Variants in NEIL3 observed in about 807,000 individuals in gnomAD.
NEIL3 encodes endonuclease 8-like 3.
Under a neutral mutation model 57.5 loss-of-function variants are expected in NEIL3, and 48 were observed. The observed-to-expected ratio is 0.83, with a 90% confidence interval of 0.66 to 1.06. The LOEUF is 1.06. NEIL3 is among the 50% of genes least tolerant of loss of function. NEIL3 has a pLI of 0.00. For synonymous variants in NEIL3, 261 were observed against 253.2 expected (o/e 1.03, Z -0.29); for missense variants, 717 against 739.1 (o/e 0.97, Z 0.35).
chr4:177,352,017 C>T (rs1168199877), intron 7 of NEIL3, among the ~76,000 whole-genome samples: 1 of 152,170 alleles, frequency 6.6e-6, no homozygotes, highest in African/African-American at 2.4e-5. Context: ...TGTATCCAGA[C>T]AATTGTACTG....
Position 177,336,164 on chromosome 4 carries a change from CA to C in NEIL3, c.471del (p.Pro158LeufsTer6). The C allele has an allele frequency of 6.2e-7, 1 of 1,613,692 alleles. No homozygotes were observed. Among genetic ancestry groups the C allele is most frequent in the Non-Finnish European group, 8.5e-7 (1 of 1,179,644 alleles). On this transcript the variant is annotated frameshift_variant, in exon 4 of 10. Transcript: ENST00000264596. LOFTEE classifies it high-confidence loss of function. Reference protein sequence around the residue: ...IRMMKELDVCSPEFSFLRAES... With the variant: ...IRMMKELDVCXPEFSFLRAES... ...ATGATGAAAGAATTAGATGTATGTT[CA>C]CCTGAATTTAGTTTCTTGAGAGCAG...
At chr4:177,364,652 G>T (rs188774405), downstream of NEIL3, among the ~76,000 whole-genome samples, 1 of 152,102 alleles carries the variant, frequency 6.6e-6, no homozygotes, top group Admixed American at 6.6e-5. Flanking sequence ...TGAGCTGGCC[G>T]GGCACGGTGG....
chr4:177,363,241 A>T (rs1288818921), downstream of NEIL3, among the ~76,000 whole-genome samples: 1 of 152,232 alleles, frequency 6.6e-6, no homozygotes, highest in Non-Finnish European at 1.5e-5. Context: ...TGTAAAAAAA[A>T]GTCCTTTCAG....
chr4:177,328,262 A>G (rs1734819538), intron 2 of NEIL3, among the ~76,000 whole-genome samples: 1 of 152,216 alleles, frequency 6.6e-6, no homozygotes. Context: ...CATTCTTGTA[A>G]CTGTCATCCT....
chr4:177,366,462 A>C (rs6552229), downstream of NEIL3, among the ~76,000 whole-genome samples: 1 of 152,228 alleles, frequency 6.6e-6, no homozygotes, highest in African/African-American at 2.4e-5. Context: ...GCAGTGGCAC[A>C]ATCTCGGCTC....
chr4:177,343,575 A>G (rs193009288), intron 6 of NEIL3: 1 of 152,336 alleles, frequency 6.6e-6, no homozygotes, highest in African/African-American at 2.4e-5. Flanking sequence ...GTCTTCATAA[A>G]TATGTCCAGA....
the NEIL3 span, among the ~76,000 whole-genome samples, chr4:177,370,688 G>A: frequency 6.6e-6 from 1 of 152,106 alleles, no homozygotes; most frequent in Non-Finnish European, 1.5e-5. Flanking sequence ...ATCACTTGAG[G>A]TCAGGAGTTT....
intron 6 of NEIL3, among the ~76,000 whole-genome samples, chr4:177,345,153 A>T (rs1296150031): frequency 6.6e-6 from 1 of 152,196 alleles, no homozygotes; most frequent in Non-Finnish European, 1.5e-5. Flanking sequence ...CCTACTGGCA[A>T]TGGAAGTATG....
At chr4:177,357,943 T>C (rs2110939733) in intron 8 of NEIL3, among the ~76,000 whole-genome samples, 1 of 152,310 alleles carries the variant, frequency 6.6e-6, no homozygotes, top group East Asian at 1.9e-4. Flanking sequence ...TCTGCTATAT[T>C]TTAGAAAGTT....
chr4:177,369,966 C>A, the NEIL3 span, among the ~76,000 whole-genome samples: 1 of 152,148 alleles, frequency 6.6e-6, no homozygotes, highest in Non-Finnish European at 1.5e-5. Context: ...TGGAATGTTT[C>A]AGAGAGGAAA....
intron 8 of NEIL3, 131 bp downstream of exon 8, chr4:177,353,859 G>A (rs957773551): frequency 2.0e-5 from 15 of 742,614 alleles, no homozygotes; most frequent in Admixed American, 6.0e-5. Context: ...TCTGCCTCCC[G>A]CGTTCAAGCG....
In NEIL3 at chr4:177,310,003, G is replaced by T. The variant is rs200543340; in HGVS notation, c.50G>T (p.Arg17Leu). The T allele has an allele frequency of 1.2e-6, 2 of 1,610,796 alleles. No individual in the cohort carries two copies. Among genetic ancestry groups the T allele is most frequent in the South Asian group, 1.1e-5 (1 of 90,754 alleles). ...CTGAATGGAGAGAAGATTCGCGCGC[G>T]GGTGCTCCCGGGCCAGGCGGTGACC... ...CTLNGEKIRA[R>L]VLPGQAVTGV... Residue 17 changes from arginine (R) to leucine (L), a missense_variant, in exon 1 of 10, where the codon CGG (arginine) becomes CTG (leucine). Coordinates refer to ENST00000264596, the MANE Select transcript of NEIL3 (RefSeq NM_018248.3).
intron 1 of NEIL3, 87 bp from the exon 2 acceptor site, chr4:177,322,372 A>C: frequency 6.4e-7 from 1 of 1,559,532 alleles, no homozygotes; most frequent in Admixed American, 1.7e-5. Context: ...GCGTGAAGTA[A>C]TATAAACACA....
At chr4:177,345,295 C>T (rs1054740141) in intron 6 of NEIL3, among the ~76,000 whole-genome samples, 3 of 152,116 alleles carry the variant, frequency 2.0e-5, no homozygotes, top group South Asian at 2.1e-4. Flanking sequence ...TTCTGAAAGA[C>T]GAAACAACAC....
intron 7 of NEIL3, among the ~76,000 whole-genome samples, chr4:177,353,060 A>G (rs1735392254): frequency 6.6e-6 from 1 of 152,178 alleles, no homozygotes; most frequent in Non-Finnish European, 1.5e-5. Context: ...AAAAGCAAAT[A>G]TAAATCTTTG....
chr4:177,336,389 C>T (rs2110907356), intron 4 of NEIL3, 68 bp downstream of exon 4: 1 of 1,197,814 alleles, frequency 8.3e-7, no homozygotes, highest in South Asian at 1.3e-5. Flanking sequence ...AACGTGGAAG[C>T]CTTAACTCTG....
Position 177,341,536 on chromosome 4 carries a change from GGT to G in NEIL3, c.764_765del (p.Gly255AlafsTer15), listed in dbSNP as rs755867288. On this transcript the variant is annotated frameshift_variant, in exon 6 of 10. Coordinates refer to ENST00000264596, the MANE Select transcript of NEIL3 (RefSeq NM_018248.3). LOFTEE classifies it high-confidence loss of function. ...HYKVYKRPNC[G>X]QCHCRITVCR... ...TAAGGTTTACAAGCGTCCTAATTGT[GGT>G]CAGTGCCACTGCAGAATAACTGTGT... 2.5e-6 allele frequency: 4 copies of G among 1,613,010 alleles called. No individual in the cohort carries two copies. Among genetic ancestry groups the G allele is most frequent in the Non-Finnish European group, 3.4e-6 (4 of 1,179,734 alleles).
intron 6 of NEIL3, among the ~76,000 whole-genome samples, chr4:177,348,257 G>C (rs1372343386): frequency 6.6e-6 from 1 of 152,154 alleles, no homozygotes; most frequent in Non-Finnish European, 1.5e-5. Flanking sequence ...TGACGCCCAT[G>C]CTGCTGGCCT....
Position 177,341,605 on chromosome 4 carries a change from C to G in NEIL3, c.832C>G (p.His278Asp), listed in dbSNP as rs752587476. The change falls in exon 6 of 10, where the codon CAC (histidine) becomes GAC (aspartate). Residue 278 changes from histidine (H) to aspartate (D), a missense_variant. His to Asp is a moderately conservative substitution (Grantham distance 81). Transcript: ENST00000264596. The stretch of plus-strand genomic sequence containing the variant: ...TAACAGAATGACATATTTCTGTCCT[C>G]ACTGTCAAAAAGAAAATCCTCAACA... ...DNNRMTYFCP[H>D]CQKENPQHVD... The G allele has an allele frequency of 1.9e-6, 3 of 1,613,308 alleles. No homozygotes were observed. The highest frequency in any genetic ancestry group is 2.5e-6 in the Non-Finnish European group (3 of 1,179,764).
Sources: gnomAD v4.1 joint callset for allele counts (sites outside exome capture counted in the v4.1 genomes callset) on GRCh38, gnomAD v4.1.1 for gene constraint, MANE v1.5 for transcripts, NCBI Gene and HGNC (gene_info 2026-07-23, HGNC 2026-07-21) for gene names.